OSTF1: variants seen among roughly 807,000 people sequenced by gnomAD.
The protein encoded by OSTF1 is osteoclast-stimulating factor 1.
A neutral mutation model predicts 37.2 loss-of-function variants in OSTF1; 27 were observed. The observed-to-expected ratio is 0.73, with a 90% CI of 0.54 to 1.00. OSTF1 has a LOEUF of 1.00. OSTF1 is among the 50% of genes least tolerant of loss of function. The probability of loss-of-function intolerance (pLI) is 0.00; values close to 1 mark genes in which losing one functional copy is unlikely to be tolerated. For missense variants in OSTF1, 232 were observed against 253.8 expected, an observed-to-expected ratio of 0.91 and a Z score of 0.58; for synonymous variants, 82 against 89.2, an observed-to-expected ratio of 0.92 and a Z score of 0.46.
chr9:75,132,970 CAT>C (rs1302869634), intron 5 of OSTF1, among the ~76,000 whole-genome samples: 5 of 83,448 alleles, frequency 6.0e-5, no homozygotes, highest in Admixed American at 1.3e-4. Context: ...CATACACACA[CAT>C]ACACACACAC....
In OSTF1 at chr9:75,140,908, C is replaced by T; in HGVS notation, c.562C>T (p.Leu188Phe). Residue 188 changes from leucine to phenylalanine, a missense_variant, in exon 9 of 10, where the codon CTC (leucine) becomes TTC (phenylalanine). Transcript: ENST00000346234. ...GGCTACCAATGCTGCCTGTGCATCT[C>T]TCCTGAAAAAGAAACAGGGAACAGG... ...DMATNAACAS[L>F]LKKKQGTDAV... 1 of 1,612,646 alleles carries T rather than the reference C, an allele frequency of 6.2e-7. No individual in the cohort carries two copies. Among genetic ancestry groups the T allele is most frequent in the Non-Finnish European group, 8.5e-7 (1 of 1,178,782 alleles).
intron 1 of OSTF1, among the ~76,000 whole-genome samples, chr9:75,114,303 A>G (rs1375427587): frequency 1.3e-5 from 2 of 152,142 alleles, no homozygotes; most frequent in Non-Finnish European, 2.9e-5. Context: ...ATCAGAGTGT[A>G]TTTACATAAT....
At chr9:75,102,787 A>G (rs1013977872) in intron 1 of OSTF1, among the ~76,000 whole-genome samples, 1 of 152,162 alleles carries the variant, frequency 6.6e-6, no homozygotes, top group Non-Finnish European at 1.5e-5. Context: ...ACAATGAATA[A>G]CTACTTTTAT....
chr9:75,103,107 T>C (rs12379856), intron 1 of OSTF1, among the ~76,000 whole-genome samples: 32,878 of 151,216 alleles, frequency 0.22, 3,648 homozygotes, highest in Admixed American at 0.24. Context: ...TGCAACATAA[T>C]GATACTCTAT....
chr9:75,100,422 GTT>G (rs577059049), intron 1 of OSTF1, among the ~76,000 whole-genome samples: 1 of 148,588 alleles, frequency 6.7e-6, no homozygotes, highest in African/African-American at 2.5e-5. Flanking sequence ...GTGAAAAAGA[GTT>G]TTTTTTTTTA....
At chr9:75,136,206 T>G (rs1825840261) in intron 7 of OSTF1, among the ~76,000 whole-genome samples, 1 of 152,222 alleles carries the variant, frequency 6.6e-6, no homozygotes, top group African/African-American at 2.4e-5. Context: ...TAGTATCTTT[T>G]TCTTGTTTCA....
chr9:75,108,757 A>T (rs895515149), intron 1 of OSTF1, among the ~76,000 whole-genome samples: 1 of 152,112 alleles, frequency 6.6e-6, no homozygotes, highest in Non-Finnish European at 1.5e-5. Flanking sequence ...GGGAGGAAGG[A>T]TAGCTTACTA....
At chr9:75,133,176 ATACTTGCTGAT>A in intron 5 of OSTF1, 107 bp from the exon 6 acceptor site, 1 of 631,432 alleles carries the variant, frequency 1.6e-6, no homozygotes, top group Non-Finnish European at 2.8e-6. Context: ...TCTTAATTTA[ATACTTGCTGAT>A]TAATCCATTG....
At chr9:75,094,207 G>A (rs1825031224) in intron 1 of OSTF1, among the ~76,000 whole-genome samples, 1 of 152,114 alleles carries the variant, frequency 6.6e-6, no homozygotes, top group East Asian at 1.9e-4. Flanking sequence ...TGTATTATTG[G>A]TATTTGGTTT....
chr9:75,124,351 AAT>A (rs1243874972), intron 2 of OSTF1, among the ~76,000 whole-genome samples: 2 of 152,196 alleles, frequency 1.3e-5, no homozygotes, highest in African/African-American at 4.8e-5. Context: ...TGTGCTATCA[AAT>A]AATAGGTCTT....
intron 8 of OSTF1, among the ~76,000 whole-genome samples, chr9:75,140,086 A>G (rs1222927325): frequency 6.6e-6 from 1 of 152,244 alleles, no homozygotes; most frequent in African/African-American, 2.4e-5. Flanking sequence ...CAGTACCATT[A>G]GACATTAAAG....
At chr9:75,113,213 T>G (rs961702903) in intron 1 of OSTF1, among the ~76,000 whole-genome samples, 1 of 152,114 alleles carries the variant, frequency 6.6e-6, no homozygotes, top group Admixed American at 6.6e-5. Context: ...CAAATCACAC[T>G]GTTACTGTTT....
intron 2 of OSTF1, among the ~76,000 whole-genome samples, chr9:75,124,028 A>G (rs756069302): frequency 3.3e-5 from 5 of 152,366 alleles, no homozygotes; most frequent in Non-Finnish European, 7.3e-5. Context: ...ACCACAGAGG[A>G]CGAGAATTAC....
At chr9:75,096,713 G>A (rs1367086825) in intron 1 of OSTF1, among the ~76,000 whole-genome samples, 2 of 152,174 alleles carry the variant, frequency 1.3e-5, no homozygotes, top group African/African-American at 2.4e-5. Context: ...GTGTGTCTTC[G>A]AGGAACTTCC....
At chr9:75,097,478 CT>C (rs1331758385) in intron 1 of OSTF1, among the ~76,000 whole-genome samples, 22 of 152,204 alleles carry the variant, frequency 1.4e-4, no homozygotes, top group Non-Finnish European at 5.9e-5. Flanking sequence ...CAGATTTAAC[CT>C]GAAAAGCTAG....
intron 1 of OSTF1, among the ~76,000 whole-genome samples, chr9:75,104,989 A>C (rs1394833209): frequency 2.6e-5 from 4 of 152,208 alleles, no homozygotes; most frequent in African/African-American, 7.2e-5. Context: ...TTGAGGATTA[A>C]ATAAATTGCT....
chr9:75,139,058 T>TCTTTTC (rs796945154), intron 8 of OSTF1, among the ~76,000 whole-genome samples: 2 of 47,250 alleles, frequency 4.2e-5, no homozygotes, highest in African/African-American at 9.0e-5. Context: ...TTCTTTCTTT[T>TCTTTTC]TTTTTTGAAA....
intron 9 of OSTF1, among the ~76,000 whole-genome samples, chr9:75,141,291 CATATCTCAAAAAA>C (rs144921863): frequency 0.061 from 5,971 of 97,848 alleles, 181 homozygotes; most frequent in Middle Eastern, 0.18. Flanking sequence ...AGAGCAAGAC[CATATCTCAAAAAA>C]AGAAAACCAA....
intron 2 of OSTF1, among the ~76,000 whole-genome samples, chr9:75,123,360 C>T (rs1272101729): frequency 6.6e-6 from 1 of 152,164 alleles, no homozygotes; most frequent in Non-Finnish European, 1.5e-5. Context: ...GGGGGCGGAG[C>T]CTGCAGAGAG....
Sources: allele counts gnomAD v4.1 joint callset (sites outside exome capture counted in the v4.1 genomes callset), GRCh38; gene constraint gnomAD v4.1.1; transcripts MANE v1.5; gene names NCBI Gene and HGNC (gene_info 2026-07-23, HGNC 2026-07-21).